The following TRPM1 variants were observed in gnomAD, a reference collection of about 807,000 sequenced individuals.
The protein encoded by TRPM1 is transient receptor potential cation channel subfamily M member 1.
Under a neutral mutation model 149.4 loss-of-function variants are expected in TRPM1, and 113 were observed. That is an observed-to-expected ratio of 0.76 (90% CI 0.65 to 0.88). The LOEUF is 0.88. Ranked by LOEUF, TRPM1 falls within the 40% of genes least tolerant of loss-of-function variation. The pLI, the probability that TRPM1 is intolerant of heterozygous loss-of-function variation, is 0.00. For missense variants in TRPM1, 1,976 were observed against 2,038.7 expected, an observed-to-expected ratio of 0.97 and a Z score of 0.59; for synonymous variants, 741 against 759.5, an observed-to-expected ratio of 0.98 and a Z score of 0.40.
chr15:31,002,452 A>G lies in TRPM1; in HGVS notation c.4248T>C (p.Asp1416=). ...TDVIHGQDKS[D]VQNTQLTVET... ...CCACTGTTAGCTGAGTGTTTTGAACATCTGATTTGTCCTGTCCATGTATCA... is the reference window on the plus strand; with the variant it reads ...CCACTGTTAGCTGAGTGTTTTGAACGTCTGATTTGTCCTGTCCATGTATCA... The change falls in exon 28 of 28, where the codon GAT becomes GAC. Residue 1416 remains aspartate, a synonymous_variant. Transcript: ENST00000256552. The G allele has an allele frequency of 6.2e-7, 1 of 1,614,212 alleles. No homozygotes were observed. The highest frequency in any genetic ancestry group is 8.5e-7 in the Non-Finnish European group (1 of 1,180,030).
At chr15:31,069,955 G>A in intron 4 of TRPM1, 76 bp downstream of exon 4, 1 of 1,613,410 alleles carries the variant, frequency 6.2e-7, no homozygotes, top group African/African-American at 1.3e-5. Context: ...CCAGGTATCT[G>A]CAGTTTGGGG....
At chr15:31,077,810 A>ATG (rs373067641) in intron 2 of TRPM1, among the ~76,000 whole-genome samples, 7 of 150,980 alleles carry the variant, frequency 4.6e-5, no homozygotes, top group East Asian at 1.9e-4. Context: ...GTCGTGATGC[A>ATG]TGTGTGTGTG....
rs576362110 is a variant in TRPM1, at chr15:31,049,555, C to T, written c.1438-46G>A. The stretch of plus-strand genomic sequence containing the variant: ...GAGCCTGTGAGTGGCCTCTCAGAGA[C>T]ACAGGGGAGGGGGGCGACTGGAAAC... On this transcript the variant is annotated intron_variant, in intron 12 of 27. Coordinates refer to ENST00000256552, the MANE Select transcript of TRPM1 (RefSeq NM_001252024.2). 2.5e-6 allele frequency: 4 copies of T among 1,611,650 alleles called. No homozygotes were observed. The Admixed American group carries it at 6.7e-5, about 27-fold the overall frequency.
At chr15:31,023,033 A>G (rs1206085608) in intron 27 of TRPM1, among the ~76,000 whole-genome samples, 2 of 152,180 alleles carry the variant, frequency 1.3e-5, no homozygotes, top group African/African-American at 2.4e-5. Context: ...AACAAAAACA[A>G]AAACAGAAAC....
At chr15:31,154,290 C>T (rs865933330) in intron 1 of TRPM1, among the ~76,000 whole-genome samples, 2 of 152,096 alleles carry the variant, frequency 1.3e-5, no homozygotes, top group African/African-American at 2.4e-5. Flanking sequence ...GGGTTTTATT[C>T]TTTGTATGAT....
intron 3 of TRPM1, among the ~76,000 whole-genome samples, chr15:31,075,587 C>T (rs1274005521): frequency 6.6e-6 from 1 of 152,188 alleles, no homozygotes; most frequent in Admixed American, 6.5e-5. Context: ...GCCTCAGCAA[C>T]AGGTGGTAAG....
At chr15:31,079,525 A>G (rs1428737430) in intron 2 of TRPM1, among the ~76,000 whole-genome samples, 3 of 152,246 alleles carry the variant, frequency 2.0e-5, no homozygotes, top group South Asian at 2.1e-4. Context: ...CAAGCAAAAG[A>G]GTGCATGCAA....
chr15:31,067,064 T>A lies in TRPM1; in HGVS notation c.617A>T (p.Asp206Val). The change falls in exon 6 of 28, where the codon GAT (aspartate) becomes GTT (valine). Residue 206 changes from aspartate (D) to valine (V), a missense_variant and splice_region_variant. By Grantham distance (152) the Asp-to-Val change is radical. Coordinates refer to ENST00000256552, the MANE Select transcript of TRPM1 (RefSeq NM_001252024.2). ...VENKEDLVGKDVTRVYQTMSN... is the reference protein window; with the variant it reads ...VENKEDLVGKVVTRVYQTMSN... ...AACATTTGCAGAGAAAACACTTACA[T>A]CCTTTCCAACCAGGTCTTCCTTATT... is the stretch of plus-strand genomic sequence containing the variant. 1 of 1,614,158 alleles carries A rather than the reference T, an allele frequency of 6.2e-7. No homozygotes were observed. Among genetic ancestry groups the A allele is most frequent in the African/African-American group, 1.3e-5 (1 of 75,040 alleles).
At chr15:31,077,269 C>T (rs1319314069) in intron 2 of TRPM1, among the ~76,000 whole-genome samples, 2 of 152,052 alleles carry the variant, frequency 1.3e-5, no homozygotes, top group Non-Finnish European at 2.9e-5. Context: ...GTGGGGATTT[C>T]CAAGGAGATA....
rs764882058 is a variant in TRPM1, at chr15:31,040,671, A to G, written c.2088-325T>C. ...CCTTCCCTCAAGTTGTGCACAGATC[A>G]GGGAGGCAGATAGAAAAGACAGCAA... On this transcript the variant is annotated intron_variant, in intron 17 of 27. Coordinates refer to ENST00000256552, the MANE Select transcript of TRPM1 (RefSeq NM_001252024.2). This position sits in a 1 kb window ranked among gnomAD's most constrained non-coding sequence, Gnocchi z 4.2. Among the ~76,000 whole-genome samples, 22 of 152,208 alleles carry G rather than the reference A, an allele frequency of 1.4e-4. No homozygotes were observed. The highest frequency in any genetic ancestry group is 7.3e-5 in the Non-Finnish European group (5 of 68,038).
At chr15:31,018,904 C>T (rs539591976) in intron 27 of TRPM1, among the ~76,000 whole-genome samples, 3 of 152,370 alleles carry the variant, frequency 2.0e-5, no homozygotes, top group Admixed American at 1.3e-4. Flanking sequence ...AATCAGCCCA[C>T]CTTGGCCTCC....
rs79581534 is a variant in TRPM1 at position 31,026,967 on chromosome 15, G to A, written c.3444C>T (p.Gly1148=). 7.9e-4 allele frequency: 1,277 copies of A among 1,614,120 alleles called. 10 individuals are homozygous for A. The African/African-American group carries it at 0.015, about 19-fold the overall frequency. ...CCCCTTCTCTCTTTTTCCTGCAGCG[G>A]CCGCTGAGACGCATAATGATGATGT... The part of the protein sequence containing the change: ...HIYIIIMRLS[G]RCRKKREGDQ... The change falls in exon 26 of 28, where the codon GGC becomes GGT. Residue 1148 remains glycine, a synonymous_variant. Coordinates refer to ENST00000256552, the MANE Select transcript of TRPM1 (RefSeq NM_001252024.2).
At chr15:31,090,807 T>C (rs1484765191) in intron 1 of TRPM1, among the ~76,000 whole-genome samples, 1 of 152,168 alleles carries the variant, frequency 6.6e-6, no homozygotes, top group African/African-American at 2.4e-5. Context: ...GAAGGAGAAC[T>C]TGGGCTTTAG....
intron 12 of TRPM1, among the ~76,000 whole-genome samples, 179 bp from the exon 13 acceptor site, chr15:31,049,688 A>G (rs1023838837): frequency 5.3e-5 from 8 of 152,156 alleles, no homozygotes; most frequent in Non-Finnish European, 1.0e-4. Context: ...CTTTCTTCTC[A>G]GTTTGGCCTC....
upstream of TRPM1, among the ~76,000 whole-genome samples, chr15:31,104,586 C>CTTTTTTT (rs928062797): frequency 3.4e-5 from 3 of 87,488 alleles, no homozygotes; most frequent in African/African-American, 5.1e-5. Flanking sequence ...GGTGATCTTC[C>CTTTTTTT]TTTTTTTTTT....
chr15:31,098,834 G>A (rs1002497709), intron 1 of TRPM1, among the ~76,000 whole-genome samples: 2 of 152,112 alleles, frequency 1.3e-5, no homozygotes, highest in Admixed American at 1.3e-4. Context: ...GGGCAGACAG[G>A]GGGCCAGGGA....
intron 1 of TRPM1, among the ~76,000 whole-genome samples, chr15:31,120,216 A>AT (rs2035857657): frequency 6.6e-6 from 1 of 152,164 alleles, no homozygotes; most frequent in South Asian, 2.1e-4. Flanking sequence ...ATAGGGAAAG[A>AT]TATACCATGC....
intron 1 of TRPM1, among the ~76,000 whole-genome samples, chr15:31,113,429 A>G (rs1032938131): frequency 1.1e-5 from 1 of 94,162 alleles, no homozygotes; most frequent in African/African-American, 3.8e-5. Flanking sequence ...CCCAGCTCTG[A>G]CAGTTTTTTT....
chr15:31,090,915 A>C lies in TRPM1; in HGVS notation c.-83-9477T>G, dbSNP rs75968509. 9.1e-3 allele frequency among the ~76,000 whole-genome samples: 1,385 copies of C among 152,336 alleles called. 11 individuals carry two copies. The highest frequency in any genetic ancestry group is 0.011 in the Non-Finnish European group (777 of 68,026). On this transcript the variant is annotated intron_variant, in intron 1 of 27. Transcript: ENST00000256552. ...GAGTCTTGATTAGCTTGTCTATGAC[A>C]TGGAGTAATGAGGCTGATTTCTCAT...
Sources: gnomAD v4.1 joint callset for allele counts (sites outside exome capture counted in the v4.1 genomes callset) on GRCh38, gnomAD v4.1.1 for gene constraint, Gnocchi (gnomAD v3.1) non-coding constraint, MANE v1.5 for transcripts, NCBI Gene and HGNC (gene_info 2026-07-23, HGNC 2026-07-21) for gene names.